Variants in ARSG observed in about 807,000 individuals in gnomAD.
ARSG encodes the protein ASG.
A neutral mutation model predicts 50.5 loss-of-function variants in ARSG; 37 were observed. The ratio of observed to expected loss-of-function variants is 0.73; its 90% CI spans 0.56 to 0.96. The LOEUF (loss-of-function observed/expected upper bound fraction) is 0.96. ARSG is among the 50% of genes least tolerant of loss of function. The probability of loss-of-function intolerance (pLI) is 0.00; values close to 1 mark genes in which losing one functional copy is unlikely to be tolerated. For missense variants in ARSG, 629 were observed against 675.3 expected (o/e 0.93, Z 0.76); for synonymous variants, 225 against 254.6 (o/e 0.88, Z 1.11).
chr17:68,344,837 A>G (rs999655161), intron 3 of ARSG, among the ~76,000 whole-genome samples: 1 of 152,234 alleles, frequency 6.6e-6, no homozygotes, highest in Non-Finnish European at 1.5e-5. Flanking sequence ...CCCTGTGGGC[A>G]TGCCTTGGGT....
In ARSG at chr17:68,420,478, T is replaced by C; in HGVS notation, c.*15T>C. ...AAGCCGCATAACAGACCAATTTTTA[T>C]TCCACGAGGAGGAGTACCTGGAAAT... On this transcript the variant is annotated 3_prime_UTR_variant, in exon 12 of 12. Coordinates refer to ENST00000621439, the MANE Select transcript of ARSG (RefSeq NM_001267727.2). 1 of 1,603,190 alleles carries C rather than the reference T, an allele frequency of 6.2e-7. No homozygotes were observed. Among genetic ancestry groups the C allele is most frequent in the South Asian group, 1.1e-5 (1 of 90,410 alleles).
At chr17:68,424,139 T>C (rs560471254), downstream of ARSG, among the ~76,000 whole-genome samples, 3 of 152,330 alleles carry the variant, frequency 2.0e-5, no homozygotes, top group African/African-American at 7.2e-5. Flanking sequence ...AACTGGTTTA[T>C]AGTTAGGCAG....
intron 11 of ARSG, among the ~76,000 whole-genome samples, chr17:68,408,690 G>T (rs1052782800): frequency 5.3e-5 from 8 of 152,056 alleles, no homozygotes; most frequent in Admixed American, 1.3e-4. Flanking sequence ...GATCCCTGAG[G>T]AATCGCCACA....
At position 68,381,424 on chromosome 17, in the gene ARSG, C is replaced by T. The variant is rs1323293508; in HGVS notation, c.983-3640C>T. 4.6e-5 allele frequency among the ~76,000 whole-genome samples: 7 copies of T among 152,130 alleles called. No individual in the cohort carries two copies. The highest frequency in any genetic ancestry group is 1.9e-4 in the East Asian group (1 of 5,206). On this transcript the variant is annotated intron_variant, in intron 8 of 11. Coordinates refer to ENST00000621439, the MANE Select transcript of ARSG (RefSeq NM_001267727.2). The surrounding 1 kb of genome is among the most constrained non-coding windows in gnomAD (Gnocchi z 4.1). ...TCATGGCCATAAGACACGCATTTCTCGACAGAAAGCCGAAGGCAACTAACA... is the reference window on the plus strand; with the variant it reads ...TCATGGCCATAAGACACGCATTTCTTGACAGAAAGCCGAAGGCAACTAACA...
intron 2 of ARSG, 70 bp from the exon 3 acceptor site, chr17:68,343,534 G>A: frequency 2.9e-6 from 4 of 1,377,908 alleles, no homozygotes; most frequent in Non-Finnish European, 3.9e-6. Flanking sequence ...GAACTGAGTG[G>A]GCACTGCCTT....
chr17:68,355,721 C>T (rs915501203), intron 5 of ARSG, among the ~76,000 whole-genome samples: 4 of 151,432 alleles, frequency 2.6e-5, no homozygotes, highest in African/African-American at 9.7e-5. Context: ...GGATTACAGG[C>T]GTGAGCCACG....
At chr17:68,413,308 G>A (rs1271653683) in intron 11 of ARSG, among the ~76,000 whole-genome samples, 1 of 152,118 alleles carries the variant, frequency 6.6e-6, no homozygotes, top group Admixed American at 6.5e-5. Context: ...TGGTGTGGAT[G>A]TCCTTTCTGT....
At chr17:68,263,537 T>C (rs1402886674) in intron 1 of ARSG, among the ~76,000 whole-genome samples, 1 of 152,246 alleles carries the variant, frequency 6.6e-6, no homozygotes, top group Non-Finnish European at 1.5e-5. Flanking sequence ...TGATGCCATC[T>C]GGACTCACTG....
At chr17:68,288,757 G>C (rs2075900061), upstream of ARSG, among the ~76,000 whole-genome samples, 1 of 152,208 alleles carries the variant, frequency 6.6e-6, no homozygotes, top group South Asian at 2.1e-4. Flanking sequence ...CGAAGAGTTG[G>C]TCTTCTTAAA....
At chr17:68,366,863 G>A (rs928425320) in intron 6 of ARSG, among the ~76,000 whole-genome samples, 1 of 151,964 alleles carries the variant, frequency 6.6e-6, no homozygotes, top group Non-Finnish European at 1.5e-5. Context: ...TTTTCTAACT[G>A]AAACTGTACC....
Position 68,347,131 on chromosome 17 carries a change from G to T in ARSG, c.413G>T (p.Trp138Leu). The T allele has an allele frequency of 1.2e-6, 2 of 1,614,054 alleles. No individual in the cohort carries two copies. The highest frequency in any genetic ancestry group is 1.7e-6 in the Non-Finnish European group (2 of 1,179,974). Residue 138 changes from tryptophan (W) to leucine (L), a missense_variant, in exon 4 of 12, where the codon TGG (tryptophan) becomes TTG (leucine). Physicochemically the swap from Trp to Leu is moderately conservative, Grantham distance 61 (BLOSUM62 -2). Coordinates refer to ENST00000621439, the MANE Select transcript of ARSG (RefSeq NM_001267727.2). Reference protein sequence around the residue: ...AGYVTGIIGKWHLGHHGSYHP... With the variant: ...AGYVTGIIGKLHLGHHGSYHP... ...CTCTTATGTTTTTCTACAGGCAAAT[G>T]GCATCTTGGACACCACGGCTCTTAT...
rs2147006150 is a variant in ARSG at position 68,385,102 on chromosome 17, C to T, written c.1021C>T (p.His341Tyr). The T allele has an allele frequency of 6.2e-7, 1 of 1,614,060 alleles. No individual in the cohort carries two copies. Among genetic ancestry groups the T allele is most frequent in the South Asian group, 1.1e-5 (1 of 91,082 alleles). The change falls in exon 9 of 12, where the codon CAC becomes TAC. Residue 341 changes from histidine (H) to tyrosine (Y), a missense_variant. Physicochemically the swap from His to Tyr is moderately conservative, Grantham distance 83 (BLOSUM62 2). Transcript: ENST00000621439. ...PAKQTTWEGG[H>Y]RVPALAYWPG... ...CAAGCAGACGACCTGGGAAGGAGGGCACCGGGTCCCAGCACTGGCTTACTG... is the reference window on the plus strand; with the variant it reads ...CAAGCAGACGACCTGGGAAGGAGGGTACCGGGTCCCAGCACTGGCTTACTG...
At chr17:68,262,882 G>A (rs567315941) in intron 1 of ARSG, among the ~76,000 whole-genome samples, 1 of 152,234 alleles carries the variant, frequency 6.6e-6, no homozygotes, top group South Asian at 2.1e-4. Flanking sequence ...CCTGCCATGC[G>A]GGCAGATATA....
intron 9 of ARSG, among the ~76,000 whole-genome samples, chr17:68,391,672 C>A (rs1315520640): frequency 1.3e-5 from 2 of 152,226 alleles, no homozygotes; most frequent in Non-Finnish European, 2.9e-5. Flanking sequence ...CAGCTCCAAA[C>A]CACCGCGGCC....
At chr17:68,440,192 G>C in the ARSG span, among the ~76,000 whole-genome samples, 6 of 152,144 alleles carry the variant, frequency 3.9e-5, no homozygotes, top group Non-Finnish European at 2.9e-5. Flanking sequence ...ATTTAGACAA[G>C]GAATCCTGCC....
At chr17:68,274,622 A>G (rs1183241334) in intron 1 of ARSG, 1 of 152,160 alleles carries the variant, frequency 6.6e-6, no homozygotes, top group Non-Finnish European at 1.5e-5. Context: ...GATGACTCTG[A>G]CTCACCATGA....
chr17:68,412,974 G>C (rs1214881029), intron 11 of ARSG, among the ~76,000 whole-genome samples: 3 of 151,752 alleles, frequency 2.0e-5, no homozygotes, highest in Non-Finnish European at 4.4e-5. Flanking sequence ...AGCTCCATCA[G>C]CTCCTTTAAG....
downstream of ARSG, chr17:68,424,360 G>A (rs751784346): frequency 8.9e-5 from 45 of 503,416 alleles, no homozygotes; most frequent in African/African-American, 3.9e-4. Context: ...GGGCCCCACC[G>A]CAGCTTTGTT....
rs74358384 is a variant in ARSG at position 68,399,493 on chromosome 17, A to G, written c.1213-1867A>G. Among the ~76,000 whole-genome samples the G allele has an allele frequency of 0.024, 3,683 of 152,356 alleles. 154 individuals carry two copies. The highest frequency in any genetic ancestry group is 0.084 in the African/African-American group (3,475 of 41,576). On this transcript the variant is annotated intron_variant, in intron 10 of 11. Coordinates refer to ENST00000621439, the MANE Select transcript of ARSG (RefSeq NM_001267727.2). The surrounding 1 kb of genome is among the most constrained non-coding windows in gnomAD (Gnocchi z 4.6). ...GTCATCTTTGAAATTTGAACCAGGC[A>G]TCTGGAGAGCTGTGATTCATGTGTA... is the stretch of plus-strand genomic sequence containing the variant.
Sources: gnomAD v4.1 joint callset for allele counts (sites outside exome capture counted in the v4.1 genomes callset) on GRCh38, gnomAD v4.1.1 for gene constraint, Gnocchi (gnomAD v3.1) non-coding constraint, MANE v1.5 for transcripts, NCBI Gene and HGNC (gene_info 2026-07-23, HGNC 2026-07-21) for gene names.